Variants in PIP5K1B observed in about 807,000 individuals in gnomAD.
PIP5K1B encodes the protein phosphatidylinositol 4-phosphate 5-kinase type-1 beta.
A neutral mutation model predicts 67.0 loss-of-function variants in PIP5K1B; 42 were observed. That is an observed-to-expected ratio of 0.63 (90% CI 0.49 to 0.81). PIP5K1B has a LOEUF of 0.81. Ranked by LOEUF, PIP5K1B falls within the 30% of genes least tolerant of loss-of-function variation. The probability of loss-of-function intolerance (pLI) is 0.00; values close to 1 mark genes in which losing one functional copy is unlikely to be tolerated. For synonymous variants in PIP5K1B, 214 were observed against 231.4 expected (o/e 0.92, Z 0.68); for missense variants, 459 against 646.3 (o/e 0.71, Z 3.14).
At chr9:68,935,337 G>A (rs190667050) in intron 13 of PIP5K1B, among the ~76,000 whole-genome samples, 148 of 152,094 alleles carry the variant, frequency 9.7e-4, no homozygotes, top group African/African-American at 3.4e-3. Flanking sequence ...GCGTGATAGC[G>A]GGCGCCTGTA....
chr9:68,766,260 C>T (rs1830421429), intron 2 of PIP5K1B, among the ~76,000 whole-genome samples: 1 of 152,026 alleles, frequency 6.6e-6, no homozygotes, highest in South Asian at 2.1e-4. Flanking sequence ...TTGTTTTTTG[C>T]TGCTTTTTTT....
At chr9:68,760,875 C>T (rs1830155539) in intron 2 of PIP5K1B, among the ~76,000 whole-genome samples, 3 of 152,066 alleles carry the variant, frequency 2.0e-5, no homozygotes, top group Non-Finnish European at 4.4e-5. Context: ...TCTAAAGAGT[C>T]CTATTCTCAA....
intron 6 of PIP5K1B, among the ~76,000 whole-genome samples, chr9:68,887,747 G>A (rs1233533292): frequency 1.3e-5 from 2 of 152,174 alleles, no homozygotes; most frequent in African/African-American, 4.8e-5. Flanking sequence ...GGCAGAGGCG[G>A]GCAGGCAGCA....
At chr9:68,789,728 G>C (rs1031575503) in intron 2 of PIP5K1B, 2 of 251,338 alleles carry the variant, frequency 8.0e-6, no homozygotes, top group Admixed American at 1.1e-4. Flanking sequence ...AAAGCCTCAG[G>C]ACTCTGCAGA....
intron 6 of PIP5K1B, among the ~76,000 whole-genome samples, chr9:68,879,751 C>T (rs1038495636): frequency 2.6e-4 from 40 of 152,084 alleles, no homozygotes; most frequent in Admixed American, 1.8e-3. Flanking sequence ...CTTATTTGAT[C>T]ATTACACATT....
At chr9:68,822,883 A>C (rs898959927) in intron 4 of PIP5K1B, among the ~76,000 whole-genome samples, 200 bp downstream of exon 4, 1 of 152,200 alleles carries the variant, frequency 6.6e-6, no homozygotes, top group Non-Finnish European at 1.5e-5. Flanking sequence ...CAGAAGCCTG[A>C]CATGGGTCTC....
Position 68,893,333 on chromosome 9 carries a change from C to CTTTTTTTTTTTTTTT in PIP5K1B, c.472-1002_472-988dup, listed in dbSNP as rs397792694. 6.3e-5 allele frequency among the ~76,000 whole-genome samples: 7 copies of CTTTTTTTTTTTTTTT among 110,974 alleles called. 1 individual carries two copies. The highest frequency in any genetic ancestry group is 6.9e-5 in the African/African-American group (2 of 29,030). 72.8% of individuals were successfully genotyped at this position (110,974 alleles called of 152,430 possible). A position where few individuals can be genotyped will look rare whatever the true frequency, so the allele number is the denominator to read the frequency against. ...TAGGCATGTATTCCCTATTTTTTTT[C>CTTTTTTTTTTTTTTT]TTTTTTTTTTTTTTTTTTGAGACAG... is the stretch of plus-strand genomic sequence containing the variant. On this transcript the variant is annotated intron_variant, in intron 7 of 15. Coordinates refer to ENST00000265382, the MANE Select transcript of PIP5K1B (RefSeq NM_003558.4).
intron 4 of PIP5K1B, among the ~76,000 whole-genome samples, chr9:68,840,440 C>T (rs950921529): frequency 6.6e-5 from 10 of 151,750 alleles, no homozygotes; most frequent in African/African-American, 2.2e-4. Flanking sequence ...TTGCTGCAGT[C>T]GCAAATTACT....
intron 4 of PIP5K1B, among the ~76,000 whole-genome samples, chr9:68,847,413 T>TG (rs1822248062): frequency 7.6e-4 from 77 of 101,646 alleles, no homozygotes; most frequent in African/African-American, 2.2e-3. Context: ...AGCAGTGGTT[T>TG]TGTGTGTGTG....
chr9:68,811,779 C>G (rs1194863083), intron 2 of PIP5K1B, among the ~76,000 whole-genome samples: 1 of 152,138 alleles, frequency 6.6e-6, no homozygotes, highest in Admixed American at 6.5e-5. Flanking sequence ...CTTTAATATA[C>G]CCAAAGTGGT....
chr9:68,977,309 G>A (rs1265278591), intron 14 of PIP5K1B, among the ~76,000 whole-genome samples: 1 of 152,194 alleles, frequency 6.6e-6, no homozygotes, highest in Non-Finnish European at 1.5e-5. Flanking sequence ...ATCACCTGAG[G>A]TTGGGAGTTG....
chr9:68,958,977 A>G (rs565702408), intron 14 of PIP5K1B, among the ~76,000 whole-genome samples: 273 of 152,342 alleles, frequency 1.8e-3, no homozygotes, highest in African/African-American at 6.2e-3. Context: ...GTTGGTTCAT[A>G]GTACTCCCAA....
At chr9:68,852,611 T>C (rs1410390778) in intron 4 of PIP5K1B, among the ~76,000 whole-genome samples, 1 of 152,164 alleles carries the variant, frequency 6.6e-6, no homozygotes, top group East Asian at 1.9e-4. Context: ...TTACTGATGG[T>C]AACCCAGGGC....
intron 4 of PIP5K1B, among the ~76,000 whole-genome samples, chr9:68,848,501 C>T (rs974369756): frequency 6.6e-6 from 1 of 152,178 alleles, no homozygotes; most frequent in African/African-American, 2.4e-5. Context: ...AATTAGGGAA[C>T]ACACTCCTTA....
intron 15 of PIP5K1B, among the ~76,000 whole-genome samples, chr9:69,005,380 A>ATTTAT (rs938073601): frequency 3.3e-5 from 5 of 152,020 alleles, no homozygotes; most frequent in African/African-American, 9.7e-5. Flanking sequence ...ATTTACAGCA[A>ATTTAT]TTTATTTTAT....
rs530426832 is a variant in PIP5K1B, at chr9:68,939,213, C to T, written c.1358-1433C>T. On this transcript the variant is annotated intron_variant, in intron 13 of 15. Coordinates refer to ENST00000265382, the MANE Select transcript of PIP5K1B (RefSeq NM_003558.4). The stretch of plus-strand genomic sequence containing the variant: ...AACACTTCTCTCCCTCAAAGAACTG[C>T]TCCTCATGGGTTGAGGGGTCACCTT... Among the ~76,000 whole-genome samples the T allele has an allele frequency of 2.9e-3, 444 of 152,332 alleles. 1 individual carries two copies. The highest frequency in any genetic ancestry group is 0.01 in the African/African-American group (424 of 41,568).
chr9:68,879,338 T>A lies in PIP5K1B; in HGVS notation c.318+2544T>A, dbSNP rs190441521. Among the ~76,000 whole-genome samples, 626 of 151,788 alleles carry A rather than the reference T, an allele frequency of 4.1e-3. 4 individuals carry two copies. The highest frequency in any genetic ancestry group is 6.0e-3 in the Admixed American group (91 of 15,266). On this transcript the variant is annotated intron_variant, in intron 6 of 15. Coordinates refer to ENST00000265382, the MANE Select transcript of PIP5K1B (RefSeq NM_003558.4). The stretch of plus-strand genomic sequence containing the variant: ...ATCCCAGCACCTCAGGAGGCCGAGG[T>A]GGGAAGATCACTTGAGGTCAGGAGT...
At chr9:68,963,200 C>G (rs1432936073) in intron 14 of PIP5K1B, 1 of 456,116 alleles carries the variant, frequency 2.2e-6, no homozygotes, top group Non-Finnish European at 4.4e-6. Flanking sequence ...ATGGCAACAT[C>G]AGAGCATTAA....
chr9:68,865,294 C>T (rs1823300706), intron 5 of PIP5K1B, among the ~76,000 whole-genome samples: 1 of 149,758 alleles, frequency 6.7e-6, no homozygotes, highest in African/African-American at 2.5e-5. Context: ...AACAGCCTAC[C>T]ATTCCAAAAA....
Sources: gnomAD v4.1 joint callset for allele counts (sites outside exome capture counted in the v4.1 genomes callset) on GRCh38, gnomAD v4.1.1 for gene constraint, MANE v1.5 for transcripts, NCBI Gene and HGNC (gene_info 2026-07-23, HGNC 2026-07-21) for gene names.